FAM107B: variants seen among roughly 807,000 people sequenced by gnomAD.
FAM107B encodes protein FAM107B.
In FAM107B, 21 loss-of-function variants were observed where a neutral mutation model predicts 31.5. That is an observed-to-expected ratio of 0.67 (90% CI 0.47 to 0.96). FAM107B has a LOEUF of 0.96. FAM107B is among the 40% of genes least tolerant of loss of function. The pLI is 0.00. For missense variants in FAM107B, 452 were observed against 377.1 expected, an observed-to-expected ratio of 1.20 and a Z score of -1.64; for synonymous variants, 157 against 141.5, an observed-to-expected ratio of 1.11 and a Z score of -0.78.
chr10:14,573,103 T>C (rs1016035804), intron 2 of FAM107B, among the ~76,000 whole-genome samples: 3 of 152,118 alleles, frequency 2.0e-5, no homozygotes, highest in African/African-American at 7.2e-5. Flanking sequence ...AGACACCAGC[T>C]ACCTCCCAGT....
At chr10:14,623,135 CCT>C (rs1199575427) in intron 2 of FAM107B, among the ~76,000 whole-genome samples, 1 of 152,194 alleles carries the variant, frequency 6.6e-6, no homozygotes, top group Non-Finnish European at 1.5e-5. Flanking sequence ...TTATCACAAC[CCT>C]CTTTCTTTTG....
intron 1 of FAM107B, among the ~76,000 whole-genome samples, chr10:14,721,847 T>G (rs1855919434): frequency 6.6e-6 from 1 of 152,352 alleles, no homozygotes; most frequent in African/African-American, 2.4e-5. Flanking sequence ...CTCTTTAGTT[T>G]AATTAGATCC....
At chr10:14,611,484 T>TTATATA (rs3035276) in intron 2 of FAM107B, among the ~76,000 whole-genome samples, 314 of 124,568 alleles carry the variant, frequency 2.5e-3, no homozygotes, top group Admixed American at 2.8e-3. Flanking sequence ...AATGCCAGTT[T>TTATATA]TATATATATA....
chr10:14,598,338 CAT>C (rs752694561), intron 2 of FAM107B, among the ~76,000 whole-genome samples: 7 of 152,144 alleles, frequency 4.6e-5, no homozygotes, highest in Non-Finnish European at 8.8e-5. Context: ...TGGGTAAACA[CAT>C]GTGGTAATAT....
chr10:14,600,372 C>A (rs2131368986), intron 2 of FAM107B, among the ~76,000 whole-genome samples: 1 of 152,306 alleles, frequency 6.6e-6, no homozygotes, highest in South Asian at 2.1e-4. Context: ...CCAGACAGAA[C>A]TGAACAGTCC....
intron 2 of FAM107B, among the ~76,000 whole-genome samples, chr10:14,533,679 T>C (rs774707436): frequency 2.4e-4 from 36 of 152,354 alleles, no homozygotes; most frequent in Middle Eastern, 3.4e-3. Flanking sequence ...CAGCCTTTCC[T>C]GGACGTCAGT....
chr10:14,690,029 G>C (rs1466956293), intron 1 of FAM107B, among the ~76,000 whole-genome samples: 1 of 148,838 alleles, frequency 6.7e-6, no homozygotes, highest in South Asian at 2.2e-4. Flanking sequence ...AAGGAAGGGA[G>C]GGAGGGAGGG....
At chr10:14,618,017 A>G (rs909730444) in intron 2 of FAM107B, among the ~76,000 whole-genome samples, 1 of 152,176 alleles carries the variant, frequency 6.6e-6, no homozygotes, top group Non-Finnish European at 1.5e-5. Context: ...AACCACCTCC[A>G]CAATTATCAT....
intron 1 of FAM107B, among the ~76,000 whole-genome samples, chr10:14,748,225 GTAA>G (rs1246686448): frequency 6.6e-6 from 1 of 152,192 alleles, no homozygotes; most frequent in Non-Finnish European, 1.5e-5. Flanking sequence ...TGCCTGGCTT[GTAA>G]TAAGTGCTCA....
intron 1 of FAM107B, among the ~76,000 whole-genome samples, chr10:14,710,453 C>T (rs955058225): frequency 6.6e-6 from 1 of 151,532 alleles, no homozygotes; most frequent in Non-Finnish European, 1.5e-5. Context: ...CACACACACA[C>T]ACACACACAC....
At chr10:14,642,809 A>G (rs1220897220) in intron 2 of FAM107B, among the ~76,000 whole-genome samples, 1 of 152,252 alleles carries the variant, frequency 6.6e-6, no homozygotes, top group Non-Finnish European at 1.5e-5. Context: ...TCACTCACAC[A>G]TTCTGCCTTT....
chr10:14,662,714 T>A lies in FAM107B; in HGVS notation c.469+4920A>T, dbSNP rs146479251. 1.1e-4 allele frequency among the ~76,000 whole-genome samples: 17 copies of A among 152,346 alleles called. No individual in the cohort carries two copies. The East Asian group carries it at 2.5e-3, about 22-fold the overall frequency. On this transcript the variant is annotated intron_variant, in intron 2 of 4. Transcript: ENST00000181796. The stretch of plus-strand genomic sequence containing the variant: ...CAATAGGCTGAGAGAGGTGACACAG[T>A]GCACCAATGTGTATGTGCCTGAGTG...
intron 3 of FAM107B, among the ~76,000 whole-genome samples, chr10:14,525,194 T>C (rs1239727703): frequency 6.6e-6 from 1 of 152,206 alleles, no homozygotes; most frequent in Non-Finnish European, 1.5e-5. Flanking sequence ...AATGTCATAA[T>C]TAACTACAAT....
intron 2 of FAM107B, among the ~76,000 whole-genome samples, chr10:14,643,703 C>T (rs1853685621): frequency 6.6e-6 from 1 of 152,152 alleles, no homozygotes. Context: ...AGCCACTGCA[C>T]CCGGCTGTCA....
intron 1 of FAM107B, among the ~76,000 whole-genome samples, chr10:14,741,715 CTTTTTTTT>C (rs769614377): frequency 8.7e-4 from 99 of 114,440 alleles, no homozygotes; most frequent in African/African-American, 3.6e-3. Context: ...GCATAACTCC[CTTTTTTTT>C]TTTTTTTTTT....
chr10:14,735,193 A>C (rs561093249), intron 1 of FAM107B, among the ~76,000 whole-genome samples: 48 of 152,390 alleles, frequency 3.1e-4, no homozygotes, highest in African/African-American at 1.2e-3. Context: ...AAGCATGTCC[A>C]ACCCATGGCC....
chr10:14,563,750 T>C (rs1054537034), intron 2 of FAM107B, among the ~76,000 whole-genome samples: 3 of 152,200 alleles, frequency 2.0e-5, no homozygotes, highest in Admixed American at 6.5e-5. Context: ...TGAAACTAGA[T>C]TTTCTGCATA....
At chr10:14,731,894 C>T (rs779397259) in intron 1 of FAM107B, among the ~76,000 whole-genome samples, 13 of 152,136 alleles carry the variant, frequency 8.5e-5, no homozygotes, top group African/African-American at 2.7e-4. Flanking sequence ...GTTCACACAA[C>T]GATAAAATCA....
chr10:14,767,055 T>TATATATATATAGAG (rs1440609298), intron 1 of FAM107B, among the ~76,000 whole-genome samples: 8 of 18,276 alleles, frequency 4.4e-4, no homozygotes, highest in Admixed American at 8.8e-4. Context: ...TATATATATA[T>TATATATATATAGAG]AGAGAGAGAG....
Sources: gnomAD v4.1 joint callset for allele counts (sites outside exome capture counted in the v4.1 genomes callset) on GRCh38, gnomAD v4.1.1 for gene constraint, MANE v1.5 for transcripts, NCBI Gene and HGNC (gene_info 2026-07-23, HGNC 2026-07-21) for gene names.